The following DISC1 variants were observed in gnomAD, a reference collection of about 807,000 sequenced individuals.
DISC1 encodes the protein disrupted in schizophrenia 1 protein.
DISC1 carries 57 observed loss-of-function variants against 84.5 expected under a neutral mutation model. The ratio of observed to expected loss-of-function variants is 0.67; its 90% CI spans 0.55 to 0.84. DISC1 has a LOEUF of 0.84. Ranked by LOEUF, DISC1 falls within the 40% of genes least tolerant of loss-of-function variation. The probability of loss-of-function intolerance (pLI) is 0.00; values close to 1 mark genes in which losing one functional copy is unlikely to be tolerated. For missense variants in DISC1, 1,000 were observed against 1,057.8 expected, an observed-to-expected ratio of 0.95 and a Z score of 0.76; for synonymous variants, 411 against 415.2, an observed-to-expected ratio of 0.99 and a Z score of 0.12.
intron 9 of DISC1, among the ~76,000 whole-genome samples, chr1:231,855,811 A>G (rs1184835600): frequency 6.6e-6 from 1 of 152,106 alleles, no homozygotes; most frequent in Non-Finnish European, 1.5e-5. Flanking sequence ...GTCTGAAAAA[A>G]CCCTAGGCAC....
At chr1:231,820,890 T>C (rs1355259995) in intron 9 of DISC1, among the ~76,000 whole-genome samples, 2 of 152,220 alleles carry the variant, frequency 1.3e-5, no homozygotes, top group African/African-American at 2.4e-5. Context: ...TCTGTTTCCA[T>C]AGCAAAAGGG....
intron 1 of DISC1, among the ~76,000 whole-genome samples, chr1:231,667,613 A>G (rs2062139887): frequency 6.6e-6 from 1 of 152,208 alleles, no homozygotes; most frequent in South Asian, 2.1e-4. Flanking sequence ...TTAGCAATTC[A>G]AATTCAAGGT....
At chr1:232,024,807 G>C (rs1216578512) in intron 11 of DISC1, among the ~76,000 whole-genome samples, 1 of 151,912 alleles carries the variant, frequency 6.6e-6, no homozygotes, top group Non-Finnish European at 1.5e-5. Context: ...GGCCAGGCTG[G>C]TCTTGAACTC....
At chr1:231,723,773 G>C in intron 3 of DISC1, 2 of 985,426 alleles carry the variant, frequency 2.0e-6, no homozygotes, top group Non-Finnish European at 2.4e-6. Context: ...GGTGAGGAAA[G>C]GCAAGAACCG....
At chr1:231,681,705 T>A (rs879688192) in intron 1 of DISC1, among the ~76,000 whole-genome samples, 23 of 152,302 alleles carry the variant, frequency 1.5e-4, no homozygotes, top group African/African-American at 4.8e-4. Context: ...ACATTTATTT[T>A]TTTTTTTTAG....
intron 3 of DISC1, among the ~76,000 whole-genome samples, chr1:231,728,550 C>T (rs1214631747): frequency 3.3e-5 from 5 of 152,136 alleles, no homozygotes; most frequent in Non-Finnish European, 5.9e-5. Context: ...GGAGCTCTAT[C>T]CTTGGAGTTA....
intron 10 of DISC1, among the ~76,000 whole-genome samples, chr1:231,986,699 G>A (rs1227234882): frequency 6.6e-6 from 1 of 152,100 alleles, no homozygotes; most frequent in Admixed American, 6.6e-5. Flanking sequence ...TTCACATTTA[G>A]AGTCAAAGGA....
intron 5 of DISC1, among the ~76,000 whole-genome samples, chr1:231,768,571 AT>A (rs2076326376): frequency 6.6e-6 from 1 of 152,140 alleles, no homozygotes; most frequent in Admixed American, 6.5e-5. Flanking sequence ...ACAGAAAATA[AT>A]TTTAGCCCTG....
intron 10 of DISC1, among the ~76,000 whole-genome samples, chr1:232,004,672 A>G (rs906599291): frequency 4.6e-5 from 7 of 152,180 alleles, no homozygotes; most frequent in African/African-American, 1.7e-4. Flanking sequence ...GAGAAATACA[A>G]CTTCAAACGA....
chr1:231,785,091 AAAGG>A (rs1364214595), intron 6 of DISC1, among the ~76,000 whole-genome samples: 14 of 152,218 alleles, frequency 9.2e-5, no homozygotes, highest in African/African-American at 2.9e-4. Context: ...AAGGAAAGAA[AAAGG>A]CCAAGTAGAT....
chr1:231,795,379 C>A, intron 7 of DISC1, 83 bp downstream of exon 7: 1 of 1,257,754 alleles, frequency 8.0e-7, no homozygotes, highest in Non-Finnish European at 1.1e-6. Flanking sequence ...TCTTAGGATA[C>A]CTGGCTTCTG....
rs142896434 is a variant in DISC1 at position 231,963,357 on chromosome 1, C to G, written c.2042+4469C>G. Among the ~76,000 whole-genome samples the G allele has an allele frequency of 9.8e-3, 1,497 of 152,168 alleles. 19 individuals are homozygous for G. Among genetic ancestry groups the G allele is most frequent in the Middle Eastern group, 0.017 (5 of 294 alleles). On this transcript the variant is annotated intron_variant, in intron 10 of 12. Transcript: ENST00000439617. ...TCATGTGAAATTGCTGATATTTCAC[C>G]ATTTTTGACCTAGAAAAATGACAAT...
Position 231,749,958 on chromosome 1 carries a change from G to C in DISC1, c.1150G>C (p.Glu384Gln). ...ETLQQRLEDL[E>Q]QEKISLHFQL... is the part of the protein sequence containing the mutation. ...GTTACAACAAAGATTAGAAGACCTG[G>C]AACAAGAGAAAATCAGCCTGCACTT... The change falls in exon 4 of 13, where the codon GAA (glutamate) becomes CAA (glutamine). Residue 384 changes from glutamate (E) to glutamine (Q), a missense_variant. Physicochemically the swap from Glu to Gln is conservative, Grantham distance 29. This residue lies in a region of DISC1 where 311 missense variants were observed against 400.1 expected (regional missense o/e 0.78). Transcript: ENST00000439617. The C allele has an allele frequency of 6.2e-7, 1 of 1,614,190 alleles. No individual in the cohort carries two copies. The highest frequency in any genetic ancestry group is 8.5e-7 in the Non-Finnish European group (1 of 1,180,038).
At chr1:231,857,359 A>G (rs887051625) in intron 9 of DISC1, among the ~76,000 whole-genome samples, 1 of 152,236 alleles carries the variant, frequency 6.6e-6, no homozygotes, top group Non-Finnish European at 1.5e-5. Flanking sequence ...CTAGCACAGG[A>G]AAACTCTGAT....
chr1:231,718,130 G>A (rs185954751), intron 3 of DISC1, among the ~76,000 whole-genome samples: 5 of 152,100 alleles, frequency 3.3e-5, no homozygotes, highest in African/African-American at 1.2e-4. Flanking sequence ...CTTTGATCTC[G>A]TAAGTGTTGT....
intron 3 of DISC1, among the ~76,000 whole-genome samples, chr1:231,719,899 A>G (rs985505359): frequency 2.6e-5 from 4 of 152,204 alleles, no homozygotes; most frequent in African/African-American, 9.6e-5. Context: ...CGTCACAGCC[A>G]TGTATTGGGT....
chr1:231,846,716 A>C (rs2083472218), intron 9 of DISC1, among the ~76,000 whole-genome samples: 1 of 152,232 alleles, frequency 6.6e-6, no homozygotes, highest in African/African-American at 2.4e-5. Context: ...GGAGGCTTTT[A>C]ACTGAAACCA....
At position 231,818,391 on chromosome 1, in the gene DISC1, G is replaced by C. The variant is rs777241274; in HGVS notation, c.1855G>C (p.Glu619Gln). Residue 619 changes from glutamate (E) to glutamine (Q), a missense_variant, in exon 9 of 13, where the codon GAA becomes CAA. Physicochemically the swap from Glu to Gln is conservative, Grantham distance 29. Coordinates refer to ENST00000439617, the MANE Select transcript of DISC1 (RefSeq NM_018662.3). ...GATTAGATCATTAACATCAGAGAGA[G>C]AAGGGCTGGAGGGACTCCTCAGCAA... The part of the protein sequence containing the change: ...EEIRSLTSER[E>Q]GLEGLLSKLL... The C allele has an allele frequency of 1.2e-6, 2 of 1,614,158 alleles. No individual in the cohort carries two copies. The highest frequency in any genetic ancestry group is 2.2e-5 in the South Asian group (2 of 91,084).
At chr1:231,973,843 T>A (rs1239035931) in intron 10 of DISC1, among the ~76,000 whole-genome samples, 3 of 152,172 alleles carry the variant, frequency 2.0e-5, no homozygotes, top group Non-Finnish European at 2.9e-5. Context: ...TAGATAGTAC[T>A]CTATTTTCAG....
Sources: allele counts gnomAD v4.1 joint callset (sites outside exome capture counted in the v4.1 genomes callset), GRCh38; gene constraint gnomAD v4.1.1; regional missense constraint gnomAD v4.1.1; transcripts MANE v1.5; gene names NCBI Gene and HGNC (gene_info 2026-07-23, HGNC 2026-07-21).